ATP8B3: variants seen among roughly 807,000 people sequenced by gnomAD.
The protein encoded by ATP8B3 is ATPase phospholipid transporting 8B3.
A neutral mutation model predicts 140.9 loss-of-function variants in ATP8B3; 141 were observed. That is an observed-to-expected ratio of 1.00 (90% CI 0.87 to 1.15). The LOEUF (loss-of-function observed/expected upper bound fraction) is 1.15. ATP8B3 is among the 50% of genes most tolerant of loss of function. The pLI is 0.00. For synonymous variants in ATP8B3, 765 were observed against 714.6 expected (o/e 1.07, Z -1.13); for missense variants, 1,874 against 1,740.6 (o/e 1.08, Z -1.36).
At chr19:1,791,107 G>A (rs1279751324) in intron 20 of ATP8B3, among the ~76,000 whole-genome samples, 1 of 152,244 alleles carries the variant, frequency 6.6e-6, no homozygotes, top group Non-Finnish European at 1.5e-5. Flanking sequence ...GATCCACAGT[G>A]CCTTCAGGAA....
Position 1,789,038 on chromosome 19 carries a change from G to A in ATP8B3, c.2928C>T (p.Cys976=). 6.2e-7 allele frequency: 1 copy of A among 1,608,214 alleles called. No individual in the cohort carries two copies. Among genetic ancestry groups the A allele is most frequent in the South Asian group, 1.1e-5 (1 of 90,028 alleles). Residue 976 remains cysteine (C), a synonymous_variant, in exon 24 of 29, where the codon TGC becomes TGT. Transcript: ENST00000310127. ...QNSDFVLGQF[C]FLQRLLLVHG... is the part of the protein sequence containing the mutation. ...GCACCAGCAGGAGGCGCTGCAGGAA[G>A]CAGAACTGGCCGAGCACGAAGTCGC... is the stretch of plus-strand genomic sequence containing the variant.
intron 18 of ATP8B3, among the ~76,000 whole-genome samples, chr19:1,793,589 G>A (rs1282178530): frequency 1.3e-5 from 2 of 152,204 alleles, no homozygotes; most frequent in African/African-American, 4.8e-5. Context: ...TAGGGGCTGG[G>A]AGGAAACTGG....
intron 3 of ATP8B3, 49 bp from the exon 4 acceptor site, chr19:1,809,783 C>T: frequency 6.5e-7 from 1 of 1,533,344 alleles, no homozygotes; most frequent in Non-Finnish European, 8.9e-7. Context: ...CCAGGACAAA[C>T]ACCCCTAATG....
At chr19:1,796,910 G>C in intron 15 of ATP8B3, 31 bp from the exon 16 acceptor site, 2 of 1,610,886 alleles carry the variant, frequency 1.2e-6, no homozygotes, top group Non-Finnish European at 8.5e-7. Flanking sequence ...GGCCGGCTGT[G>C]GGTGGGCCGC....
At chr19:1,790,657 CTG>C in intron 21 of ATP8B3, 98 bp downstream of exon 21, 1 of 872,832 alleles carries the variant, frequency 1.1e-6, no homozygotes, top group Non-Finnish European at 1.6e-6. Flanking sequence ...CCCCTTCCCA[CTG>C]TGCCTTGGGC....
chr19:1,809,257 T>G (rs1600486474), intron 4 of ATP8B3, among the ~76,000 whole-genome samples: 2 of 151,414 alleles, frequency 1.3e-5, no homozygotes, highest in Non-Finnish European at 2.9e-5. Flanking sequence ...CCGAGGTGGG[T>G]GGATCACCTG....
Position 1,792,113 on chromosome 19 carries a change from C to T in ATP8B3, c.2078G>A (p.Arg693Gln), listed in dbSNP as rs547170926. The change falls in exon 19 of 29, where the codon CGG (arginine) becomes CAG (glutamine). Residue 693 changes from arginine to glutamine, a missense_variant. By Grantham distance (43) the Arg-to-Gln change is conservative (BLOSUM62 1). Around this residue, in one of 3 missense-constraint regions of ATP8B3, gnomAD observed 1,032 missense variants for 963.6 expected, o/e 1.07. Coordinates refer to ENST00000310127, the MANE Select transcript of ATP8B3 (RefSeq NM_138813.4). ...CTCCCTGTAGGCCAGGCACAGTGTC[C>T]GCAGGGTCTCCTGGGCAAAGGCCTG... Reference protein sequence around the residue: ...ALAAFAQETLRTLCLAYREVA... With the variant: ...ALAAFAQETLQTLCLAYREVA... 4.4e-5 allele frequency: 70 copies of T among 1,578,184 alleles called. 1 individual carries two copies. In the Middle Eastern group the frequency reaches 5.1e-4, roughly 11 times the overall value.
At chr19:1,799,845 G>A (rs764616529) in intron 14 of ATP8B3, 102 bp downstream of exon 14, 25 of 1,180,008 alleles carry the variant, frequency 2.1e-5, no homozygotes, top group Admixed American at 1.8e-4. Flanking sequence ...AGATTCGGGC[G>A]GAGGTGCTGG....
chr19:1,807,363 G>T lies in ATP8B3; in HGVS notation c.517-97C>A. 1 of 964,858 alleles carries T rather than the reference G, an allele frequency of 1.0e-6. No homozygotes were observed. The highest frequency in any genetic ancestry group is 1.6e-6 in the Non-Finnish European group (1 of 621,962). The allele number at this position is 964,858 out of a possible 1,614,324, so 59.8% of individuals were successfully genotyped here. ...CCTAGCCCCGCACTCGACACCACGT[G>T]ACACATCTGCTGGCCACCTTGACCG... On this transcript the variant is annotated intron_variant, in intron 5 of 28. Transcript: ENST00000310127. The surrounding 1 kb of genome is among the most constrained non-coding windows in gnomAD (Gnocchi z 5.9).
Position 1,800,781 on chromosome 19 carries a change from G to A in ATP8B3, c.1153-332C>T, listed in dbSNP as rs1308901826. On this transcript the variant is annotated intron_variant, in intron 12 of 28. Coordinates refer to ENST00000310127, the MANE Select transcript of ATP8B3 (RefSeq NM_138813.4). This position sits in a 1 kb window ranked among gnomAD's most constrained non-coding sequence, Gnocchi z 4.4. ...TGCAGTGAGATATCATGGCGCCACT[G>A]CACTCCATCCTGGGCAATAGAGTGA... Among the ~76,000 whole-genome samples, 1 of 151,896 alleles carries A rather than the reference G, an allele frequency of 6.6e-6. No homozygotes were observed. Among genetic ancestry groups the A allele is most frequent in the African/African-American group, 2.4e-5 (1 of 41,348 alleles).
chr19:1,791,751 C>T lies in ATP8B3; in HGVS notation c.2301G>A (p.Gln767=), dbSNP rs747858417. ...CACCCGGAGCTGCCCGGGACTCACC[C>T]TGCTTGTCCCCGGTGAGCACCCATA... The part of the protein sequence containing the change: ...IKIWVLTGDK[Q]ETAVNIGFAC... Residue 767 remains glutamine, a splice_region_variant and synonymous_variant, in exon 20 of 29, where the codon CAG becomes CAA. Coordinates refer to ENST00000310127, the MANE Select transcript of ATP8B3 (RefSeq NM_138813.4). The T allele has an allele frequency of 1.2e-6, 2 of 1,609,996 alleles. No homozygotes were observed. The highest frequency in any genetic ancestry group is 2.2e-5 in the East Asian group (1 of 44,864).
intron 24 of ATP8B3, 119 bp from the exon 25 acceptor site, chr19:1,787,305 G>T (rs1385176099): frequency 2.8e-6 from 2 of 726,932 alleles, no homozygotes; most frequent in Non-Finnish European, 4.6e-6. Context: ...TACACTCAAG[G>T]TTGGGGCTGG....
chr19:1,811,624 G>C lies in ATP8B3; in HGVS notation c.113C>G (p.Ser38Ter). ...TGDSDVTQEG[S>*]GPAGIRGGET... ...ACCTCCGCGGATGCCAGCAGGACCT[G>C]AGCCTTCCTGAGTCACGTCTGAGTC... The change falls in exon 2 of 29, where the codon TCA becomes TGA. Residue 38 changes from serine (S) to a stop codon, truncating the protein, a stop_gained. Transcript: ENST00000310127. LOFTEE classifies it high-confidence loss of function. 6.2e-7 allele frequency: 1 copy of C among 1,611,856 alleles called. No individual in the cohort carries two copies. Among genetic ancestry groups the C allele is most frequent in the East Asian group, 2.2e-5 (1 of 44,880 alleles).
At position 1,807,940 on chromosome 19, in the gene ATP8B3, G is replaced by A. The variant is rs938940445; in HGVS notation, c.516+282C>T. ...GCGTGGCCGAGGCCGTTTAGGCTGGGGAACAGCTATGCCTCCCGATGCCCA... is the reference window on the plus strand; with the variant it reads ...GCGTGGCCGAGGCCGTTTAGGCTGGAGAACAGCTATGCCTCCCGATGCCCA... On this transcript the variant is annotated intron_variant, in intron 5 of 28. Coordinates refer to ENST00000310127, the MANE Select transcript of ATP8B3 (RefSeq NM_138813.4). This position sits in a 1 kb window ranked among gnomAD's most constrained non-coding sequence, Gnocchi z 5.9. 5.9e-5 allele frequency among the ~76,000 whole-genome samples: 9 copies of A among 152,192 alleles called. No homozygotes were observed. The highest frequency in any genetic ancestry group is 5.9e-4 in the Admixed American group (9 of 15,286).
chr19:1,799,779 A>G, intron 14 of ATP8B3, 168 bp downstream of exon 14: 1 of 679,460 alleles, frequency 1.5e-6, no homozygotes, highest in Non-Finnish European at 2.5e-6. Context: ...AAAAAAAAAA[A>G]TTTTCCTGGC....
Position 1,805,215 on chromosome 19 carries a change from T to C in ATP8B3, c.904+159A>G. 1.4e-6 allele frequency: 1 copy of C among 716,136 alleles called. No individual in the cohort carries two copies. The allele number at this position is 716,136 out of a possible 1,614,324, so 44.4% of individuals were successfully genotyped here. On this transcript the variant is annotated intron_variant, in intron 10 of 28. Transcript: ENST00000310127. This position sits in a 1 kb window ranked among gnomAD's most constrained non-coding sequence, Gnocchi z 5.2. ...GTCTTGAATTCCTGGGCTGAAGTGA[T>C]TCTCCTGCCTCAGCCTCCCAAAGTG...
chr19:1,796,789 C>T lies in ATP8B3; in HGVS notation c.1675G>A (p.Glu559Lys), dbSNP rs911328223. ...AGGCGCCAGAACTCCCGCACGGCCT[C>T]GTCCCCGTTGGTCCGCACGAGGTGC... is the stretch of plus-strand genomic sequence containing the variant. ...LLHLVRTNGD[E>K]AVREFWRLLA... Residue 559 changes from glutamate to lysine, a missense_variant, in exon 16 of 29, where the codon GAG (glutamate) becomes AAG (lysine). Coordinates refer to ENST00000310127, the MANE Select transcript of ATP8B3 (RefSeq NM_138813.4). 3.1e-6 allele frequency: 5 copies of T among 1,612,518 alleles called. No homozygotes were observed. The highest frequency in any genetic ancestry group is 2.2e-5 in the East Asian group (1 of 44,868).
At chr19:1,790,066 C>A in intron 21 of ATP8B3, 77 bp from the exon 22 acceptor site, 1 of 1,088,378 alleles carries the variant, frequency 9.2e-7, no homozygotes, top group South Asian at 1.3e-5. Context: ...CACTGCCCCT[C>A]CCACCCCTTC....
At chr19:1,802,069 A>ACACCCC in intron 11 of ATP8B3, 25 bp from the exon 12 acceptor site, 1 of 1,112,376 alleles carries the variant, frequency 9.0e-7, no homozygotes, top group Non-Finnish European at 1.2e-6. Flanking sequence ...CCATCTATCC[A>ACACCCC]CCCACCCACC....
Sources: allele counts gnomAD v4.1 joint callset (sites outside exome capture counted in the v4.1 genomes callset), GRCh38; gene constraint gnomAD v4.1.1; regional missense constraint gnomAD v4.1.1; non-coding constraint Gnocchi (gnomAD v3.1); transcripts MANE v1.5; gene names NCBI Gene and HGNC (gene_info 2026-07-23, HGNC 2026-07-21).